Variants in FER observed in about 807,000 individuals in gnomAD.
FER encodes the protein tyrosine-protein kinase Fer.
In FER, 63 loss-of-function variants were observed where a neutral mutation model predicts 111.0. The observed-to-expected ratio is 0.57, with a 90% CI of 0.46 to 0.70. The LOEUF (loss-of-function observed/expected upper bound fraction) is 0.70, where lower values mean the gene tolerates loss of function less well. FER is among the 30% of genes least tolerant of loss of function. The pLI, the probability that FER is intolerant of heterozygous loss-of-function variation, is 0.00. For missense variants in FER, 914 were observed against 954.0 expected (o/e 0.96, Z 0.55); for synonymous variants, 327 against 313.9 (o/e 1.04, Z -0.44).
chr5:108,777,026 G>A (rs535049292), intron 2 of FER, among the ~76,000 whole-genome samples: 34 of 152,092 alleles, frequency 2.2e-4, no homozygotes, highest in South Asian at 6.2e-4. Context: ...TTTTAACCTC[G>A]TCATGCCAGG....
chr5:108,869,842 A>G (rs1044139017), intron 6 of FER, among the ~76,000 whole-genome samples: 1 of 152,086 alleles, frequency 6.6e-6, no homozygotes, highest in Admixed American at 6.6e-5. Flanking sequence ...AGATAATTTG[A>G]TAGTATATAC....
chr5:108,895,176 G>A (rs1332326392), intron 9 of FER, among the ~76,000 whole-genome samples: 1 of 152,238 alleles, frequency 6.6e-6, no homozygotes, highest in East Asian at 1.9e-4. Context: ...TTAAAATTAA[G>A]CTGTTTCTCT....
intron 2 of FER, among the ~76,000 whole-genome samples, chr5:108,779,963 CAT>C (rs1753876468): frequency 6.6e-6 from 1 of 152,116 alleles, no homozygotes; most frequent in African/African-American, 2.4e-5. Context: ...CATACATAAG[CAT>C]ATATCTGTAT....
At chr5:108,990,080 T>G (rs906520142) in intron 13 of FER, among the ~76,000 whole-genome samples, 4 of 151,936 alleles carry the variant, frequency 2.6e-5, no homozygotes, top group African/African-American at 9.7e-5. Flanking sequence ...TACAATCTAT[T>G]TAATTTTTTC....
At chr5:108,917,570 G>C (rs1428936956) in intron 10 of FER, among the ~76,000 whole-genome samples, 3 of 152,116 alleles carry the variant, frequency 2.0e-5, no homozygotes, top group Admixed American at 6.5e-5. Context: ...ATTTCCCAAA[G>C]TCAGAGACAG....
intron 6 of FER, among the ~76,000 whole-genome samples, chr5:108,869,100 G>T (rs1467206623): frequency 6.6e-6 from 1 of 152,032 alleles, no homozygotes; most frequent in East Asian, 1.9e-4. Flanking sequence ...TCATAAATGG[G>T]TTAATAAATG....
At chr5:108,961,354 A>G (rs1258553509) in intron 13 of FER, among the ~76,000 whole-genome samples, 1 of 152,162 alleles carries the variant, frequency 6.6e-6, no homozygotes, top group Non-Finnish European at 1.5e-5. Flanking sequence ...GAGTTTGACT[A>G]GGAATACAAA....
At chr5:108,892,272 C>A (rs533385863) in intron 9 of FER, among the ~76,000 whole-genome samples, 44 of 152,200 alleles carry the variant, frequency 2.9e-4, no homozygotes, top group African/African-American at 7.5e-4. Context: ...ACTAGTTTAC[C>A]GTCCCACCAA....
At chr5:109,095,628 C>T (rs1747413131) in intron 16 of FER, among the ~76,000 whole-genome samples, 1 of 152,078 alleles carries the variant, frequency 6.6e-6, no homozygotes, top group African/African-American at 2.4e-5. Flanking sequence ...TCATGGGGTG[C>T]AGTTTACATC....
At chr5:108,862,103 C>T (rs2150218316) in intron 5 of FER, among the ~76,000 whole-genome samples, 1 of 152,152 alleles carries the variant, frequency 6.6e-6, no homozygotes, top group African/African-American at 2.4e-5. Flanking sequence ...TGGTTTTAAA[C>T]CTGAAAGTGG....
intron 5 of FER, chr5:108,841,751 G>C (rs1347706771): frequency 1.3e-5 from 4 of 314,916 alleles, no homozygotes; most frequent in African/African-American, 9.0e-5. Flanking sequence ...GTGAGAGTGA[G>C]AGCCAAGTGG....
At chr5:109,104,096 G>A (rs1748589957) in intron 17 of FER, among the ~76,000 whole-genome samples, 1 of 152,162 alleles carries the variant, frequency 6.6e-6, no homozygotes, top group Non-Finnish European at 1.5e-5. Context: ...GGTAGAATAT[G>A]ATTTCTTTTT....
chr5:108,833,137 A>G (rs76754025), intron 4 of FER, among the ~76,000 whole-genome samples, 194 bp downstream of exon 4: 1 of 152,176 alleles, frequency 6.6e-6, no homozygotes, highest in African/African-American at 2.4e-5. Context: ...ATATACTCCT[A>G]TGAAAGAAAA....
intron 7 of FER, among the ~76,000 whole-genome samples, chr5:108,871,813 A>G (rs1423459): frequency 0.22 from 33,437 of 151,666 alleles, 3,872 homozygotes; most frequent in African/African-American, 0.28. Context: ...TGTATATTAC[A>G]CTTTATGATG....
intron 9 of FER, among the ~76,000 whole-genome samples, chr5:108,896,848 C>A (rs1218737481): frequency 6.6e-6 from 1 of 152,154 alleles, no homozygotes; most frequent in Non-Finnish European, 1.5e-5. Flanking sequence ...TTGTCTCTTA[C>A]ATATTAATAA....
intron 17 of FER, among the ~76,000 whole-genome samples, chr5:109,151,182 C>T (rs1354442515): frequency 3.3e-5 from 5 of 152,084 alleles, no homozygotes; most frequent in African/African-American, 1.2e-4. Context: ...TTTGTTTTTA[C>T]ATTTGTTTTA....
At chr5:108,800,545 G>T (rs368771048) in intron 3 of FER, among the ~76,000 whole-genome samples, 1 of 152,074 alleles carries the variant, frequency 6.6e-6, no homozygotes, top group Admixed American at 6.5e-5. Context: ...TAGAAACGGG[G>T]TCTCAGTATA....
At chr5:108,798,992 T>C (rs896637619) in intron 3 of FER, among the ~76,000 whole-genome samples, 10 of 152,222 alleles carry the variant, frequency 6.6e-5, no homozygotes, top group African/African-American at 2.4e-4. Context: ...TGAACCCTGC[T>C]ATTTTTCCCT....
At chr5:108,806,179 G>C (rs1757186344) in intron 3 of FER, among the ~76,000 whole-genome samples, 1 of 152,212 alleles carries the variant, frequency 6.6e-6, no homozygotes, top group Non-Finnish European at 1.5e-5. Context: ...GAGGGTGCAA[G>C]CTCCAAGCCT....
Sources: allele counts gnomAD v4.1 joint callset (sites outside exome capture counted in the v4.1 genomes callset), GRCh38; gene constraint gnomAD v4.1.1; transcripts MANE v1.5; gene names NCBI Gene and HGNC (gene_info 2026-07-23, HGNC 2026-07-21).